CFAP57: variants seen among roughly 807,000 people sequenced by gnomAD.
The protein encoded by CFAP57 is cilia and flagella associated protein 57.
CFAP57 carries 116 observed loss-of-function variants against 146.8 expected under a neutral mutation model. The observed-to-expected ratio is 0.79, with a 90% confidence interval of 0.68 to 0.92. CFAP57 has a LOEUF of 0.92. CFAP57 is among the 40% of genes least tolerant of loss of function. CFAP57 has a pLI of 0.00. For synonymous variants in CFAP57, 518 were observed against 552.8 expected, an observed-to-expected ratio of 0.94 and a Z score of 0.88; for missense variants, 1,377 against 1,527.2, an observed-to-expected ratio of 0.90 and a Z score of 1.64.
intron 2 of CFAP57, among the ~76,000 whole-genome samples, chr1:43,180,255 CAT>C (rs900548371): frequency 1.0e-4 from 15 of 144,580 alleles, no homozygotes; most frequent in African/African-American, 2.9e-4. Context: ...TATATACACA[CAT>C]ATATTATTTA....
intron 21 of CFAP57, among the ~76,000 whole-genome samples, chr1:43,239,051 CT>C (rs2124641208): frequency 6.6e-6 from 1 of 152,132 alleles, no homozygotes; most frequent in South Asian, 2.1e-4. Context: ...CTGGAACACT[CT>C]TCTCCTCTGT....
chr1:43,235,757 G>A (rs990009701), intron 21 of CFAP57, among the ~76,000 whole-genome samples: 4 of 152,218 alleles, frequency 2.6e-5, no homozygotes, highest in African/African-American at 9.6e-5. Flanking sequence ...GGAGTACCTA[G>A]AGCATGGAGA....
intron 19 of CFAP57, among the ~76,000 whole-genome samples, chr1:43,233,289 G>A (rs953280078): frequency 6.6e-6 from 1 of 152,156 alleles, no homozygotes; most frequent in African/African-American, 2.4e-5. Context: ...AGGAGTTCGA[G>A]ACCAGCCTGG....
chr1:43,254,279 G>A lies in CFAP57; in HGVS notation c.*88G>A, dbSNP rs1646389093. ...CAGACTTGCGGTTGGAGTCTGTATGGTCCCTGCAGCACTGACCCCAGCAAC... is the reference window on the plus strand; with the variant it reads ...CAGACTTGCGGTTGGAGTCTGTATGATCCCTGCAGCACTGACCCCAGCAAC... On this transcript the variant is annotated 3_prime_UTR_variant, in exon 23 of 23. Coordinates refer to ENST00000372492, the MANE Select transcript of CFAP57 (RefSeq NM_001378189.1). 4 of 1,227,338 alleles carry A rather than the reference G, an allele frequency of 3.3e-6. No individual in the cohort carries two copies. Among genetic ancestry groups the A allele is most frequent in the Non-Finnish European group, 3.4e-6 (3 of 882,338 alleles). 76.0% of individuals were successfully genotyped at this position (1,227,338 alleles called of 1,614,324 possible).
intron 22 of CFAP57, chr1:43,250,188 A>T (rs1646284266): frequency 6.6e-6 from 1 of 152,212 alleles, no homozygotes. Flanking sequence ...ACAAGTAGAC[A>T]CACACACAAA....
rs749980137 is a variant in CFAP57 at position 43,172,749 on chromosome 1, A to G, written c.-5A>G. 7 of 1,614,010 alleles carry G rather than the reference A, an allele frequency of 4.3e-6. No individual in the cohort carries two copies. In the South Asian group the frequency reaches 6.6e-5, roughly 15 times the overall value. On this transcript the variant is annotated 5_prime_UTR_variant, in exon 2 of 23. Coordinates refer to ENST00000372492, the MANE Select transcript of CFAP57 (RefSeq NM_001378189.1). ...GTCTTCAGCAGAACTGTTTGGCGGG[A>G]GATCATGTCAGCCGTGGTAGCTCAG...
chr1:43,203,680 C>T (rs1311426573), intron 9 of CFAP57, among the ~76,000 whole-genome samples: 2 of 152,204 alleles, frequency 1.3e-5, no homozygotes, highest in East Asian at 1.9e-4. Context: ...AGGATGGTCT[C>T]GATCTCTTCA....
intron 2 of CFAP57, among the ~76,000 whole-genome samples, chr1:43,178,816 C>A (rs1401592954): frequency 6.6e-6 from 1 of 152,148 alleles, no homozygotes; most frequent in Non-Finnish European, 1.5e-5. Flanking sequence ...AATCATGCTG[C>A]TATAAAGACA....
chr1:43,172,909 A>G lies in CFAP57; in HGVS notation c.156A>G (p.Pro52=). The change falls in exon 2 of 23, where the codon CCA becomes CCG. Residue 52 remains proline, a splice_region_variant and synonymous_variant. Transcript: ENST00000372492. ...NVDQKWQKFI[P]GSEKSQGMLA... is the part of the protein sequence containing the mutation. ...ATCAGAAATGGCAAAAATTCATTCC[A>G]GGTAAAACTTTTTCCATCCTGACAT... 6.2e-7 allele frequency: 1 copy of G among 1,613,862 alleles called. No homozygotes were observed. The highest frequency in any genetic ancestry group is 8.5e-7 in the Non-Finnish European group (1 of 1,179,774).
intron 5 of CFAP57, among the ~76,000 whole-genome samples, chr1:43,186,218 G>C (rs574108890): frequency 6.6e-6 from 1 of 152,050 alleles, no homozygotes; most frequent in Non-Finnish European, 1.5e-5. Context: ...TTCCAGTCTG[G>C]GTGACAGAGC....
intron 6 of CFAP57, among the ~76,000 whole-genome samples, chr1:43,196,830 A>G (rs970964089): frequency 6.6e-6 from 1 of 152,218 alleles, no homozygotes; most frequent in Non-Finnish European, 1.5e-5. Context: ...ATCCTTAAAA[A>G]TCATTCATAC....
intron 2 of CFAP57, among the ~76,000 whole-genome samples, chr1:43,173,659 A>G (rs543019346): frequency 1.2e-4 from 19 of 152,336 alleles, no homozygotes; most frequent in African/African-American, 4.3e-4. Context: ...TTTTATTGCT[A>G]TGTAGTGTTC....
intron 22 of CFAP57, 87 bp downstream of exon 22, chr1:43,243,446 T>TACGGC: frequency 7.2e-7 from 1 of 1,382,944 alleles, no homozygotes; most frequent in South Asian, 1.6e-5. Flanking sequence ...GGCTTCCTTC[T>TACGGC]GTATCAGGTC....
At position 43,218,868 on chromosome 1, in the gene CFAP57, C is replaced by T. The variant is rs900197241; in HGVS notation, c.2092-514C>T. ...AATAAATATCTTCTGAGATCTTACT[C>T]TGTGTTAGACATTGTTCCCGTACTT... On this transcript the variant is annotated intron_variant, in intron 12 of 22. Coordinates refer to ENST00000372492, the MANE Select transcript of CFAP57 (RefSeq NM_001378189.1). 1.4e-4 allele frequency among the ~76,000 whole-genome samples: 21 copies of T among 152,194 alleles called. 1 individual carries two copies. The highest frequency in any genetic ancestry group is 4.4e-5 in the Non-Finnish European group (3 of 68,034).
intron 11 of CFAP57, among the ~76,000 whole-genome samples, chr1:43,213,184 T>A (rs1260544480): frequency 6.6e-6 from 1 of 151,972 alleles, no homozygotes; most frequent in Non-Finnish European, 1.5e-5. Flanking sequence ...GCCTCCTGGG[T>A]TCAAGCGATT....
intron 9 of CFAP57, among the ~76,000 whole-genome samples, chr1:43,200,292 C>T (rs1442453210): frequency 6.6e-6 from 1 of 151,900 alleles, no homozygotes; most frequent in Non-Finnish European, 1.5e-5. Flanking sequence ...TCGAGACTAG[C>T]CTGGGCAACA....
intron 21 of CFAP57, 94 bp from the exon 22 acceptor site, chr1:43,243,133 C>T: frequency 2.1e-6 from 3 of 1,401,700 alleles, no homozygotes; most frequent in East Asian, 2.6e-5. Flanking sequence ...CCTAACCCTG[C>T]CCATTCCCCA....
rs1309011709 is a variant in CFAP57 at position 43,221,455 on chromosome 1, G to A, written c.2331G>A (p.Leu777=). The A allele has an allele frequency of 2.6e-6, 4 of 1,533,322 alleles. No individual in the cohort carries two copies. In the South Asian group the frequency reaches 5.0e-5, roughly 19 times the overall value. The allele number at this position is 1,533,322 out of a possible 1,614,324, so 95.0% of individuals were successfully genotyped here. A position where few individuals can be genotyped will look rare whatever the true frequency, so the allele number is the denominator to read the frequency against. Residue 777 remains leucine (L), a synonymous_variant, in exon 14 of 23, where the codon CTG becomes CTA. Transcript: ENST00000372492. ...EDLLDKQSRE[L]QDMECCNNQK... ...TCCTAGACAAGCAAAGCCGGGAACT[G>A]CAGGACATGGGTGAGCCCACAAGTA...
At chr1:43,248,269 A>C (rs1483045385) in intron 22 of CFAP57, among the ~76,000 whole-genome samples, 4 of 151,118 alleles carry the variant, frequency 2.6e-5, no homozygotes, top group Non-Finnish European at 5.9e-5. Context: ...CTTCATATCC[A>C]TAACTTTCTT....
Sources: gnomAD v4.1 joint callset for allele counts (sites outside exome capture counted in the v4.1 genomes callset) on GRCh38, gnomAD v4.1.1 for gene constraint, MANE v1.5 for transcripts, NCBI Gene and HGNC (gene_info 2026-07-23, HGNC 2026-07-21) for gene names.